IL17RE: variants seen among roughly 807,000 people sequenced by gnomAD.
The protein encoded by IL17RE is interleukin-17 receptor E.
Under a neutral mutation model 70.7 loss-of-function variants are expected in IL17RE, and 47 were observed. The ratio of observed to expected loss-of-function variants is 0.67; its 90% CI spans 0.53 to 0.85. The LOEUF is 0.85. IL17RE is among the 40% of genes least tolerant of loss of function. The probability of loss-of-function intolerance (pLI) is 0.00; values close to 1 mark genes in which losing one functional copy is unlikely to be tolerated. For missense variants in IL17RE, 850 were observed against 893.9 expected, an observed-to-expected ratio of 0.95 and a Z score of 0.63; for synonymous variants, 372 against 381.2, an observed-to-expected ratio of 0.98 and a Z score of 0.28.
At position 9,902,979 on chromosome 3, in the gene IL17RE, T is replaced by C. The variant is rs750291115; in HGVS notation, c.47T>C (p.Ile16Thr). 3.1e-6 allele frequency: 5 copies of C among 1,614,178 alleles called. No individual in the cohort carries two copies. The Admixed American group carries it at 5.0e-5, about 16-fold the overall frequency. Residue 16 changes from isoleucine (I) to threonine (T), a missense_variant, in exon 1 of 16, where the codon ATA becomes ACA. Coordinates refer to ENST00000383814, the MANE Select transcript of IL17RE (RefSeq NM_153480.2). ...GCCCTGCTCCTGCCTCTCCTCCTCA[T>C]AGTCATCGACCTCTCTGACTCTGCT... is the stretch of plus-strand genomic sequence containing the variant. ...LAALLLPLLL[I>T]VIDLSDSAGI... is the part of the protein sequence containing the mutation.
intron 3 of IL17RE, among the ~76,000 whole-genome samples, chr3:9,905,197 G>C (rs1031779962): frequency 6.6e-6 from 1 of 151,490 alleles, no homozygotes; most frequent in Non-Finnish European, 1.5e-5. Context: ...GGCTTATGCC[G>C]GTAATCCCAG....
chr3:9,904,979 C>T (rs936047967), intron 3 of IL17RE, among the ~76,000 whole-genome samples: 2 of 149,028 alleles, frequency 1.3e-5, no homozygotes, highest in African/African-American at 5.0e-5. Flanking sequence ...CCTGAAGTCC[C>T]AGCTACTTGG....
chr3:9,914,420 C>T (rs2082962117), intron 13 of IL17RE, 128 bp from the exon 14 acceptor site: 2 of 1,524,868 alleles, frequency 1.3e-6, no homozygotes, highest in Non-Finnish European at 1.8e-6. Flanking sequence ...CTGGAGCAGA[C>T]ACAAACCCAC....
At chr3:9,907,132 G>A (rs552923151) in intron 6 of IL17RE, 32 bp downstream of exon 6, 25 of 1,613,472 alleles carry the variant, frequency 1.5e-5, no homozygotes, top group South Asian at 2.2e-5. Context: ...TAAAAAGCCC[G>A]ATCACACAGT....
chr3:9,915,824 G>A lies in IL17RE; in HGVS notation c.*17G>A. On this transcript the variant is annotated 3_prime_UTR_variant, in exon 16 of 16. Transcript: ENST00000383814. This position sits in a 1 kb window ranked among gnomAD's most constrained non-coding sequence, Gnocchi z 4.9. Reference sequence around the variant, plus strand: ...CTAGGTTGAGCAGAGCTCCACCGCAGTCCCGGGTGTCTGCGGCCGCAACGC... The same window carrying A: ...CTAGGTTGAGCAGAGCTCCACCGCAATCCCGGGTGTCTGCGGCCGCAACGC... 1.3e-6 allele frequency: 2 copies of A among 1,485,202 alleles called. No homozygotes were observed. Among genetic ancestry groups the A allele is most frequent in the South Asian group, 1.3e-5 (1 of 75,494 alleles). The allele number at this position is 1,485,202 out of a possible 1,614,324, so 92.0% of individuals were successfully genotyped here.
intron 7 of IL17RE, 58 bp downstream of exon 7, chr3:9,908,365 G>T: frequency 2.1e-6 from 3 of 1,463,356 alleles, no homozygotes; most frequent in Non-Finnish European, 2.9e-6. Context: ...CCCCAAGGTA[G>T]CGCAGTTGGT....
At chr3:9,909,980 G>A (rs2082853075) in intron 8 of IL17RE, 1 of 152,436 alleles carries the variant, frequency 6.6e-6, no homozygotes, top group Middle Eastern at 3.4e-3. Context: ...TCCTGGTTCT[G>A]AGAGGACCCT....
At chr3:9,908,849 C>T (rs2082820469) in intron 7 of IL17RE, among the ~76,000 whole-genome samples, 2 of 152,176 alleles carry the variant, frequency 1.3e-5, no homozygotes, top group Admixed American at 1.3e-4. Context: ...GGGTGGACAG[C>T]AGGTGGGCAT....
Position 9,902,988 on chromosome 3 carries a change from A to G in IL17RE, c.56A>G (p.Asp19Gly), listed in dbSNP as rs2082671653. 6.2e-7 allele frequency: 1 copy of G among 1,613,872 alleles called. No homozygotes were observed. Among genetic ancestry groups the G allele is most frequent in the Non-Finnish European group, 8.5e-7 (1 of 1,179,902 alleles). The change falls in exon 1 of 16, where the codon GAC (aspartate) becomes GGC (glycine). Residue 19 changes from aspartate (D) to glycine (G), a missense_variant. By Grantham distance (94) the Asp-to-Gly change is moderately conservative. Transcript: ENST00000383814. ...LLLPLLLIVIDLSDSAGIGFR... is the reference protein window; with the variant it reads ...LLLPLLLIVIGLSDSAGIGFR... ...CTGCCTCTCCTCCTCATAGTCATCG[A>G]CCTCTCTGACTCTGCTGGGATTGGC...
Position 9,914,537 on chromosome 3 carries a change from T to A in IL17RE, c.1297-11T>A. The A allele has an allele frequency of 6.2e-7, 1 of 1,613,846 alleles. No homozygotes were observed. The highest frequency in any genetic ancestry group is 8.5e-7 in the Non-Finnish European group (1 of 1,179,870). On this transcript the variant is annotated splice_polypyrimidine_tract_variant and intron_variant, in intron 13 of 15. Coordinates refer to ENST00000383814, the MANE Select transcript of IL17RE (RefSeq NM_153480.2). ...CCTGGCTCATAGGGGTGGGGGGCTC[T>A]GTGCCCTCAGGTGTGGCGGTCAGAT...
At chr3:9,914,842 A>C (rs1208415767) in intron 15 of IL17RE, 65 bp downstream of exon 15, 1 of 1,319,734 alleles carries the variant, frequency 7.6e-7, no homozygotes, top group East Asian at 2.3e-5. Context: ...CTGCCCCCTC[A>C]CCCTCCCCTG....
At position 9,915,282 on chromosome 3, in the gene IL17RE, G is replaced by C; in HGVS notation, c.1479G>C (p.Leu493=). Reference sequence around the variant, plus strand: ...GCCCAGCGCGGCCAGTGCTCCTCCTGCACGCGGCGGACTCGGAGGCGCAGC... The same window carrying C: ...GCCCAGCGCGGCCAGTGCTCCTCCTCCACGCGGCGGACTCGGAGGCGCAGC... ...GPGPARPVLL[L]HAADSEAQRR... The change falls in exon 16 of 16, where the codon CTG becomes CTC. Residue 493 remains leucine (L), a synonymous_variant. Transcript: ENST00000383814. The surrounding 1 kb of genome is among the most constrained non-coding windows in gnomAD (Gnocchi z 4.9). The C allele has an allele frequency of 7.1e-7, 1 of 1,407,898 alleles. No homozygotes were observed. Among genetic ancestry groups the C allele is most frequent in the Non-Finnish European group, 9.2e-7 (1 of 1,088,590 alleles). The allele number at this position is 1,407,898 out of a possible 1,614,324, so 87.2% of individuals were successfully genotyped here.
intron 6 of IL17RE, among the ~76,000 whole-genome samples, chr3:9,907,605 A>G (rs1419886721): frequency 6.6e-6 from 1 of 152,158 alleles, no homozygotes; most frequent in Non-Finnish European, 1.5e-5. Context: ...CTTGAGCTTC[A>G]AGTTAGTGAC....
chr3:9,906,247 T>C, intron 3 of IL17RE, 117 bp from the exon 4 acceptor site: 2 of 438,788 alleles, frequency 4.6e-6, no homozygotes, highest in Non-Finnish European at 8.0e-6. Context: ...CAAAACTCCA[T>C]ATCAAAATAA....
In IL17RE at chr3:9,910,864, G is replaced by C. The variant is rs1487249044; in HGVS notation, c.803-1G>C. The C allele has an allele frequency of 2.5e-6, 4 of 1,613,072 alleles. No homozygotes were observed. In the Admixed American group the frequency reaches 6.7e-5, roughly 27 times the overall value. On this transcript the variant is annotated splice_acceptor_variant, in intron 8 of 15. Coordinates refer to ENST00000383814, the MANE Select transcript of IL17RE (RefSeq NM_153480.2). LOFTEE classifies it high-confidence loss of function. ...ACCCACTGACCCTGCCACCTGCCCA[G>C]ATGGCTCGGACTTCTGGAAGTCAGT... is the stretch of plus-strand genomic sequence containing the variant.
At chr3:9,903,246 C>T (rs948303319) in intron 1 of IL17RE, 151 bp from the exon 2 acceptor site, 2 of 1,019,212 alleles carry the variant, frequency 2.0e-6, no homozygotes, top group African/African-American at 3.2e-5. Flanking sequence ...CAGGGTGGAG[C>T]TGGGAAGATA....
rs1327057933 is a variant in IL17RE at position 9,915,480 on chromosome 3, G to C, written c.1677G>C (p.Trp559Cys). The C allele has an allele frequency of 3.0e-6, 4 of 1,326,644 alleles. No homozygotes were observed. Among genetic ancestry groups the C allele is most frequent in the Non-Finnish European group, 3.8e-6 (4 of 1,046,728 alleles). The allele number at this position is 1,326,644 out of a possible 1,614,324, so 82.2% of individuals were successfully genotyped here. ...AGCAGGGCACTGTGCTGCTGCTGTG[G>C]AGCGGCGCCGACCTTCGCCCGGTCA... is the stretch of plus-strand genomic sequence containing the variant. ...AREQGTVLLLWSGADLRPVSG... is the reference protein window; with the variant it reads ...AREQGTVLLLCSGADLRPVSG... The change falls in exon 16 of 16, where the codon TGG (tryptophan) becomes TGC (cysteine). Residue 559 changes from tryptophan (W) to cysteine (C), a missense_variant. Transcript: ENST00000383814. This position sits in a 1 kb window ranked among gnomAD's most constrained non-coding sequence, Gnocchi z 4.9.
chr3:9,902,572 G>A, upstream of IL17RE: 1 of 1,484,102 alleles, frequency 6.7e-7, no homozygotes, highest in Non-Finnish European at 9.1e-7. Context: ...GCTGATGGGT[G>A]GATCAGATCT....
rs2082667551 is a variant in IL17RE at position 9,902,893 on chromosome 3, A to G, written c.-40A>G. ...AGGCCCTGCCACCCACCTTCAGGCC[A>G]TGCAGCCATGTTCCGGGAGCCCTAA... On this transcript the variant is annotated 5_prime_UTR_variant, in exon 1 of 16. It removes an upstream start codon present in the reference 5' UTR. Coordinates refer to ENST00000383814, the MANE Select transcript of IL17RE (RefSeq NM_153480.2). 1.9e-6 allele frequency: 3 copies of G among 1,614,024 alleles called. No individual in the cohort carries two copies. Among genetic ancestry groups the G allele is most frequent in the South Asian group, 2.2e-5 (2 of 91,082 alleles).
Sources: gnomAD v4.1 joint callset for allele counts (sites outside exome capture counted in the v4.1 genomes callset) on GRCh38, gnomAD v4.1.1 for gene constraint, Gnocchi (gnomAD v3.1) non-coding constraint, MANE v1.5 for transcripts, NCBI Gene and HGNC (gene_info 2026-07-23, HGNC 2026-07-21) for gene names.